The following PDZRN4 variants were observed in gnomAD, a reference collection of about 807,000 sequenced individuals.
PDZRN4 encodes PDZ domain-containing RING finger protein 4.
PDZRN4 carries 70 observed loss-of-function variants against 99.0 expected under a neutral mutation model. That is an observed-to-expected ratio of 0.71 (90% CI 0.58 to 0.86). The LOEUF is 0.86. PDZRN4 is among the 40% of genes least tolerant of loss of function. PDZRN4 has a pLI of 0.00. For missense variants in PDZRN4, 1,474 were observed against 1,331.2 expected, an observed-to-expected ratio of 1.11 and a Z score of -1.67; for synonymous variants, 551 against 501.6, an observed-to-expected ratio of 1.10 and a Z score of -1.32.
intron 3 of PDZRN4, among the ~76,000 whole-genome samples, chr12:41,373,954 C>T (rs997059616): frequency 2.6e-5 from 4 of 152,282 alleles, no homozygotes; most frequent in South Asian, 4.2e-4. Context: ...TCCCTCCGTT[C>T]GGGGTCCCTG....
intron 3 of PDZRN4, among the ~76,000 whole-genome samples, chr12:41,467,393 T>C (rs1952937939): frequency 6.6e-6 from 1 of 152,230 alleles, no homozygotes; most frequent in Non-Finnish European, 1.5e-5. Context: ...GTGTCTTTTA[T>C]AGGTGTTAAG....
intron 3 of PDZRN4, among the ~76,000 whole-genome samples, chr12:41,326,671 A>T (rs1951711446): frequency 6.6e-6 from 1 of 152,200 alleles, no homozygotes; most frequent in Admixed American, 6.6e-5. Flanking sequence ...ATTCTGGTGC[A>T]GGCAGTTATC....
chr12:41,495,072 C>A (rs2120640835), intron 3 of PDZRN4, among the ~76,000 whole-genome samples: 1 of 152,066 alleles, frequency 6.6e-6, no homozygotes, highest in African/African-American at 2.4e-5. Context: ...AGTTTATATC[C>A]TACACAAAGG....
At chr12:41,339,532 T>A (rs1352147817) in intron 3 of PDZRN4, among the ~76,000 whole-genome samples, 5 of 151,904 alleles carry the variant, frequency 3.3e-5, no homozygotes, top group Admixed American at 1.3e-4. Flanking sequence ...TCTTAAGTAA[T>A]ACCCAAAAAG....
At chr12:41,265,789 T>G (rs1243548085) in intron 3 of PDZRN4, among the ~76,000 whole-genome samples, 1 of 152,156 alleles carries the variant, frequency 6.6e-6, no homozygotes. Flanking sequence ...TATTATCAAT[T>G]GCAAACCAGA....
At chr12:41,204,379 G>C (rs1354516063) in intron 3 of PDZRN4, among the ~76,000 whole-genome samples, 1 of 151,998 alleles carries the variant, frequency 6.6e-6, no homozygotes, top group Non-Finnish European at 1.5e-5. Flanking sequence ...AGAAGAACTA[G>C]GGTGTTCAAG....
intron 5 of PDZRN4, among the ~76,000 whole-genome samples, chr12:41,524,631 T>C (rs1347828774): frequency 6.6e-6 from 1 of 152,198 alleles, no homozygotes; most frequent in Non-Finnish European, 1.5e-5. Context: ...ACAGGCCCGA[T>C]AATTCAGGAC....
At chr12:41,538,199 T>TA (rs925743190) in intron 5 of PDZRN4, among the ~76,000 whole-genome samples, 4 of 150,936 alleles carry the variant, frequency 2.7e-5, no homozygotes, top group African/African-American at 4.9e-5. Context: ...AAAGGTATAT[T>TA]AAAAAAAAAG....
chr12:41,571,366 TCTCTCTCTCTCACACA>T (rs1162450259), intron 9 of PDZRN4, among the ~76,000 whole-genome samples: 2 of 106,392 alleles, frequency 1.9e-5, no homozygotes, highest in African/African-American at 7.1e-5. Flanking sequence ...TCTCTCTCTC[TCTCTCTCTCTCACACA>T]CACACACACA....
chr12:41,286,007 AAG>A (rs1480202346), intron 3 of PDZRN4, among the ~76,000 whole-genome samples: 1 of 152,168 alleles, frequency 6.6e-6, no homozygotes, highest in Non-Finnish European at 1.5e-5. Context: ...TAATTTAAAA[AAG>A]AGAAAAAAAA....
At chr12:41,278,456 T>C (rs995455458) in intron 3 of PDZRN4, among the ~76,000 whole-genome samples, 2 of 152,190 alleles carry the variant, frequency 1.3e-5, no homozygotes, top group African/African-American at 4.8e-5. Flanking sequence ...TTACAAAAGA[T>C]TACTTTGTGT....
At chr12:41,465,655 C>G (rs1165290143) in intron 3 of PDZRN4, among the ~76,000 whole-genome samples, 1 of 152,146 alleles carries the variant, frequency 6.6e-6, no homozygotes, top group Non-Finnish European at 1.5e-5. Flanking sequence ...TCCTTCTCCC[C>G]ACTGCCATAG....
At chr12:41,325,700 A>G (rs1207040134) in intron 3 of PDZRN4, among the ~76,000 whole-genome samples, 1 of 152,200 alleles carries the variant, frequency 6.6e-6, no homozygotes, top group East Asian at 1.9e-4. Flanking sequence ...GATCTGTCTC[A>G]GTTAATGTGA....
chr12:41,564,827 G>A (rs990895157), intron 8 of PDZRN4, among the ~76,000 whole-genome samples: 1 of 152,022 alleles, frequency 6.6e-6, no homozygotes, highest in Non-Finnish European at 1.5e-5. Context: ...CAGTTATCTC[G>A]CTGCTCCCAT....
chr12:41,190,400 G>C (rs1386582668), intron 1 of PDZRN4, among the ~76,000 whole-genome samples: 1 of 152,184 alleles, frequency 6.6e-6, no homozygotes, highest in Non-Finnish European at 1.5e-5. Context: ...AGCACAGATA[G>C]AAGCTTTGTA....
intron 3 of PDZRN4, among the ~76,000 whole-genome samples, chr12:41,243,593 C>T (rs1475160063): frequency 3.3e-5 from 5 of 151,802 alleles, no homozygotes; most frequent in Non-Finnish European, 4.4e-5. Flanking sequence ...TATTGGAGTC[C>T]CTTTCTGTTC....
intron 3 of PDZRN4, among the ~76,000 whole-genome samples, chr12:41,330,940 A>G (rs982096111): frequency 4.6e-5 from 7 of 152,116 alleles, no homozygotes; most frequent in African/African-American, 1.7e-4. Flanking sequence ...TCCAGCTTTA[A>G]ATTATAACAT....
intron 3 of PDZRN4, among the ~76,000 whole-genome samples, chr12:41,207,012 A>G (rs1847290302): frequency 6.6e-6 from 1 of 151,940 alleles, no homozygotes; most frequent in Non-Finnish European, 1.5e-5. Flanking sequence ...TTTGGCCTAG[A>G]TACACTGTGT....
intron 3 of PDZRN4, among the ~76,000 whole-genome samples, chr12:41,215,336 G>T (rs1021467685): frequency 6.6e-6 from 1 of 151,978 alleles, no homozygotes; most frequent in Non-Finnish European, 1.5e-5. Flanking sequence ...TCACATTCTT[G>T]AGGTACTTGT....
Sources: gnomAD v4.1 joint callset for allele counts (sites outside exome capture counted in the v4.1 genomes callset) on GRCh38, gnomAD v4.1.1 for gene constraint, MANE v1.5 for transcripts, NCBI Gene and HGNC (gene_info 2026-07-23, HGNC 2026-07-21) for gene names.